The following AKR1A1 variants were observed in gnomAD, a reference collection of about 807,000 sequenced individuals.
AKR1A1 encodes the protein aldo-keto reductase family 1 member A1, also known as HEL-S-165mP.
In AKR1A1, 26 loss-of-function variants were observed where a neutral mutation model predicts 39.2. The ratio of observed to expected loss-of-function variants is 0.66; its 90% CI spans 0.49 to 0.92. The LOEUF (loss-of-function observed/expected upper bound fraction) is 0.92. Among genes scored for constraint, AKR1A1 ranks in the 40% least tolerant of loss-of-function variants. The pLI is 0.00. For missense variants in AKR1A1, 378 were observed against 406.5 expected, an observed-to-expected ratio of 0.93 and a Z score of 0.60; for synonymous variants, 141 against 155.5, an observed-to-expected ratio of 0.91 and a Z score of 0.69.
chr1:45,568,175 CAGGTAAGGACAGCAAGCAGATG>C lies in AKR1A1; in HGVS notation c.552+1_552+22del. Reference sequence around the variant, plus strand: ...GGCCTCCGTGCGTCCAGCTGTCTTGCAGGTAAGGACAGCAAGCAGATGAGTGGTTTAGGGGTTGTCTGCTCAA... The same window carrying C: ...GGCCTCCGTGCGTCCAGCTGTCTTGCAGTGGTTTAGGGGTTGTCTGCTCAA... On this transcript the variant is annotated splice_donor_variant and splice_donor_5th_base_variant and coding_sequence_variant and intron_variant, in exon 5 of 9. Coordinates refer to ENST00000351829, the MANE Select transcript of AKR1A1 (RefSeq NM_153326.3). LOFTEE classifies it high-confidence loss of function. The C allele has an allele frequency of 1.2e-6, 2 of 1,610,244 alleles. No individual in the cohort carries two copies. The highest frequency in any genetic ancestry group is 1.7e-6 in the Non-Finnish European group (2 of 1,178,152).
At position 45,559,725 on chromosome 1, in the gene AKR1A1, C is replaced by A. The variant is rs1175672799; in HGVS notation, c.-6-2064C>A. Among the ~76,000 whole-genome samples, 3 of 149,220 alleles carry A rather than the reference C, an allele frequency of 2.0e-5. No individual in the cohort carries two copies. The East Asian group carries it at 5.9e-4, about 29-fold the overall frequency. Reference sequence around the variant, plus strand: ...GTGGCATGATCTCAGCTCACTGCAACCTCCGCCTCCCGGGTTCAAGCAATT... The same window carrying A: ...GTGGCATGATCTCAGCTCACTGCAAACTCCGCCTCCCGGGTTCAAGCAATT... On this transcript the variant is annotated intron_variant, in intron 1 of 8. Transcript: ENST00000351829.
intron 4 of AKR1A1, 69 bp from the exon 5 acceptor site, chr1:45,567,913 G>A (rs1319089438): frequency 1.4e-6 from 2 of 1,429,506 alleles, no homozygotes; most frequent in South Asian, 2.8e-5. Flanking sequence ...ACATAGAGTG[G>A]CTGGATGGGC....
In AKR1A1 at chr1:45,567,963, G is replaced by A; in HGVS notation, c.357-19G>A. 1.3e-6 allele frequency: 2 copies of A among 1,596,364 alleles called. No individual in the cohort carries two copies. Among genetic ancestry groups the A allele is most frequent in the Non-Finnish European group, 1.7e-6 (2 of 1,169,362 alleles). On this transcript the variant is annotated intron_variant, in intron 4 of 8. Transcript: ENST00000351829. ...CCTGGCATTTGTGTCCACACTTGGT[G>A]GGGCTGTCTCTCACTCAGGCGGGGA...
Position 45,569,007 on chromosome 1 carries a change from G to A in AKR1A1, c.825+8G>A, listed in dbSNP as rs774744837. 6.8e-6 allele frequency: 11 copies of A among 1,613,736 alleles called. No individual in the cohort carries two copies. The South Asian group carries it at 1.2e-4, about 18-fold the overall frequency. On this transcript the variant is annotated splice_region_variant and intron_variant, in intron 7 of 8. Coordinates refer to ENST00000351829, the MANE Select transcript of AKR1A1 (RefSeq NM_153326.3). Reference sequence around the variant, plus strand: ...ATCCTTCAGAACATCAAGGTACTTGGTAATGGGTTCTATCTTCTTTAGCTC... The same window carrying A: ...ATCCTTCAGAACATCAAGGTACTTGATAATGGGTTCTATCTTCTTTAGCTC...
At chr1:45,555,286 G>A (rs533951700) in intron 1 of AKR1A1, among the ~76,000 whole-genome samples, 39 of 152,254 alleles carry the variant, frequency 2.6e-4, no homozygotes, top group Admixed American at 5.9e-4. Context: ...TCGGGAGTTC[G>A]AGACCAGCCT....
intron 2 of AKR1A1, among the ~76,000 whole-genome samples, chr1:45,565,239 T>C (rs1217540761): frequency 6.7e-6 from 1 of 148,200 alleles, no homozygotes; most frequent in Non-Finnish European, 1.5e-5. Context: ...CAAGCGATTC[T>C]CCTGCCTCAG....
intron 1 of AKR1A1, among the ~76,000 whole-genome samples, chr1:45,553,789 C>G (rs1012803665): frequency 1.3e-5 from 2 of 148,454 alleles, no homozygotes; most frequent in East Asian, 2.1e-4. Context: ...GTCAGGAGAT[C>G]GAGACCATCC....
intron 1 of AKR1A1, among the ~76,000 whole-genome samples, chr1:45,556,248 C>T (rs191686558): frequency 2.6e-4 from 40 of 152,310 alleles, no homozygotes; most frequent in African/African-American, 8.9e-4. Flanking sequence ...TACCCTCCTC[C>T]CCACTCAACC....
At chr1:45,552,213 G>A (rs1054333954) in intron 1 of AKR1A1, among the ~76,000 whole-genome samples, 12 of 151,458 alleles carry the variant, frequency 7.9e-5, no homozygotes, top group South Asian at 2.1e-4. Context: ...GGGGTCTCTC[G>A]GTCTTTTGCC....
In AKR1A1 at chr1:45,568,979, C is replaced by A. The variant is rs369292780; in HGVS notation, c.805C>A (p.Arg269=). ...ICIPKSITPS[R]ILQNIKVFDF... is the part of the protein sequence containing the mutation. ...CATCCCCAAAAGTATCACTCCTTCT[C>A]GAATCCTTCAGAACATCAAGGTACT... The change falls in exon 7 of 9, where the codon CGA becomes AGA. Residue 269 remains arginine, a synonymous_variant. Transcript: ENST00000351829. The A allele has an allele frequency of 6.2e-7, 1 of 1,614,200 alleles. No homozygotes were observed. The highest frequency in any genetic ancestry group is 1.3e-5 in the African/African-American group (1 of 75,052).
At chr1:45,554,187 G>A (rs1644170771) in intron 1 of AKR1A1, among the ~76,000 whole-genome samples, 1 of 152,156 alleles carries the variant, frequency 6.6e-6, no homozygotes, top group Admixed American at 6.6e-5. Flanking sequence ...AGCACTTTGG[G>A]AGGCTGAGGC....
chr1:45,557,162 C>T (rs1461561251), intron 1 of AKR1A1, among the ~76,000 whole-genome samples: 1 of 152,032 alleles, frequency 6.6e-6, no homozygotes, highest in African/African-American at 2.4e-5. Context: ...TGCACCCCAG[C>T]CTGGGTGACA....
intron 2 of AKR1A1, among the ~76,000 whole-genome samples, chr1:45,566,348 G>A (rs1344969793): frequency 6.6e-6 from 1 of 151,834 alleles, no homozygotes; most frequent in Admixed American, 6.6e-5. Context: ...GGCTGGTCTC[G>A]AACTCCTGAC....
intron 1 of AKR1A1, among the ~76,000 whole-genome samples, chr1:45,559,787 A>G (rs908320226): frequency 1.4e-5 from 2 of 145,344 alleles, no homozygotes; most frequent in African/African-American, 2.5e-5. Context: ...AGCTGGGATT[A>G]TAGGCACCCG....
rs779563143 is a variant in AKR1A1 at position 45,568,954 on chromosome 1, C to T, written c.780C>T (p.Cys260=). ...GGCAGGTCCAGCGGAAAGTGATCTGCATCCCCAAAAGTATCACTCCTTCTC... is the reference window on the plus strand; with the variant it reads ...GGCAGGTCCAGCGGAAAGTGATCTGTATCCCCAAAAGTATCACTCCTTCTC... ...LRWQVQRKVI[C]IPKSITPSRI... Residue 260 remains cysteine, a synonymous_variant, in exon 7 of 9, where the codon TGC becomes TGT. Transcript: ENST00000351829. The T allele has an allele frequency of 1.2e-6, 2 of 1,614,218 alleles. No homozygotes were observed. The highest frequency in any genetic ancestry group is 1.1e-5 in the South Asian group (1 of 91,090).
At chr1:45,556,049 T>A (rs1644198356) in intron 1 of AKR1A1, among the ~76,000 whole-genome samples, 1 of 152,108 alleles carries the variant, frequency 6.6e-6, no homozygotes, top group African/African-American at 2.4e-5. Flanking sequence ...CACCAGCATA[T>A]GTGGGAGCCA....
At chr1:45,553,573 G>T (rs904276262) in intron 1 of AKR1A1, among the ~76,000 whole-genome samples, 1 of 151,964 alleles carries the variant, frequency 6.6e-6, no homozygotes, top group Admixed American at 6.6e-5. Flanking sequence ...TAGGTCTTAG[G>T]TTACATATTA....
In AKR1A1 at chr1:45,569,938, C is replaced by T. The variant is rs1644393352; in HGVS notation, c.960C>T (p.Pro320=). The T allele has an allele frequency of 6.2e-7, 1 of 1,614,072 alleles. No individual in the cohort carries two copies. The highest frequency in any genetic ancestry group is 1.1e-5 in the South Asian group (1 of 91,088). The change falls in exon 9 of 9, where the codon CCC becomes CCT. Residue 320 remains proline, a synonymous_variant. Coordinates refer to ENST00000351829, the MANE Select transcript of AKR1A1 (RefSeq NM_153326.3). ...VPRDAGHPLY[P]FNDPY is the part of the protein sequence containing the mutation. ...GGGATGCAGGGCATCCTCTGTACCC[C>T]TTTAATGACCCGTACTGAGACCACA... is the stretch of plus-strand genomic sequence containing the variant.
intron 8 of AKR1A1, 82 bp downstream of exon 8, chr1:45,569,311 T>A: frequency 8.6e-7 from 1 of 1,164,888 alleles, no homozygotes; most frequent in South Asian, 1.2e-5. Context: ...TAAGGCTTGC[T>A]GGTTGTGAGA....
Sources: gnomAD v4.1 joint callset for allele counts (sites outside exome capture counted in the v4.1 genomes callset) on GRCh38, gnomAD v4.1.1 for gene constraint, MANE v1.5 for transcripts, NCBI Gene and HGNC (gene_info 2026-07-23, HGNC 2026-07-21) for gene names.